The following FTO variants were observed in gnomAD, a reference collection of about 807,000 sequenced individuals.
FTO encodes the protein FTO alpha-ketoglutarate dependent dioxygenase, also known as alpha-ketoglutarate-dependent dioxygenase FTO.
FTO carries 47 observed loss-of-function variants against 63.9 expected under a neutral mutation model. The ratio of observed to expected loss-of-function variants is 0.74; its 90% CI spans 0.58 to 0.94. The LOEUF is 0.94. FTO is among the 40% of genes least tolerant of loss of function. The probability of loss-of-function intolerance (pLI) is 0.00; values close to 1 mark genes in which losing one functional copy is unlikely to be tolerated. For missense variants in FTO, 562 were observed against 618.1 expected, an observed-to-expected ratio of 0.91 and a Z score of 0.96; for synonymous variants, 207 against 224.4, an observed-to-expected ratio of 0.92 and a Z score of 0.69.
chr16:53,851,796 G>A (rs1374139826), intron 4 of FTO, among the ~76,000 whole-genome samples: 4 of 151,848 alleles, frequency 2.6e-5, no homozygotes, highest in Admixed American at 2.6e-4. Flanking sequence ...CATGCACAAG[G>A]AAATAAAAAT....
At chr16:54,067,499 C>T (rs1490180247) in intron 8 of FTO, among the ~76,000 whole-genome samples, 2 of 152,222 alleles carry the variant, frequency 1.3e-5, no homozygotes, top group Non-Finnish European at 2.9e-5. Flanking sequence ...TCCGCATGTG[C>T]TCCGCATCAG....
At position 53,759,726 on chromosome 16, in the gene FTO, A is replaced by G. The variant is rs551696719; in HGVS notation, c.46-50414A>G. Among the ~76,000 whole-genome samples, 8 of 151,414 alleles carry G rather than the reference A, an allele frequency of 5.3e-5. No homozygotes were observed. The East Asian group carries it at 1.5e-3, about 29-fold the overall frequency. On this transcript the variant is annotated intron_variant, in intron 1 of 8. Coordinates refer to ENST00000471389, the MANE Select transcript of FTO (RefSeq NM_001080432.3). Reference sequence around the variant, plus strand: ...AAAAAAAAAAAAAAAAGAAAAAAGAAATAATACAGGGTCATTTCCTTGACC... The same window carrying G: ...AAAAAAAAAAAAAAAAGAAAAAAGAGATAATACAGGGTCATTTCCTTGACC...
intron 2 of FTO, among the ~76,000 whole-genome samples, chr16:53,817,280 TGAACAGTGACTCCA>T (rs1567323251): frequency 1.3e-5 from 2 of 152,238 alleles, no homozygotes; most frequent in Non-Finnish European, 2.9e-5. Flanking sequence ...TGGCAGAGTC[TGAACAGTGACTCCA>T]GAAGTGTATC....
At chr16:53,722,861 A>G (rs151169906) in intron 1 of FTO, among the ~76,000 whole-genome samples, 171 of 152,170 alleles carry the variant, frequency 1.1e-3, no homozygotes, top group African/African-American at 3.9e-3. Context: ...GTAAAACCAT[A>G]TGACAGAATA....
chr16:53,878,671 C>T (rs2080737061), intron 5 of FTO, among the ~76,000 whole-genome samples: 1 of 152,158 alleles, frequency 6.6e-6, no homozygotes. Context: ...TTATAGCTGA[C>T]TTTTTATTAT....
chr16:53,719,404 A>G (rs1305708182), intron 1 of FTO, among the ~76,000 whole-genome samples: 2 of 151,616 alleles, frequency 1.3e-5, no homozygotes, highest in Non-Finnish European at 2.9e-5. Context: ...GCTATTGTCT[A>G]TTTAGTTTTC....
chr16:53,983,777 A>C (rs768180018), intron 8 of FTO, among the ~76,000 whole-genome samples: 1 of 152,216 alleles, frequency 6.6e-6, no homozygotes, highest in Non-Finnish European at 1.5e-5. Flanking sequence ...CTCTGCTCCC[A>C]GCCAGCTGCT....
At chr16:53,846,878 G>T (rs928421382) in intron 4 of FTO, among the ~76,000 whole-genome samples, 1 of 150,706 alleles carries the variant, frequency 6.6e-6, no homozygotes, top group African/African-American at 2.4e-5. Context: ...AACATCTTGT[G>T]TGTTCTTTTC....
chr16:54,074,166 A>G (rs1214938488), intron 8 of FTO, among the ~76,000 whole-genome samples: 1 of 152,178 alleles, frequency 6.6e-6, no homozygotes, highest in Non-Finnish European at 1.5e-5. Flanking sequence ...CTTCTCCAAA[A>G]AAAAAAGCAG....
intron 8 of FTO, among the ~76,000 whole-genome samples, chr16:54,079,537 G>A (rs2086088349): frequency 6.6e-6 from 1 of 152,200 alleles, no homozygotes; most frequent in Non-Finnish European, 1.5e-5. Flanking sequence ...GGAAACGCAT[G>A]AGACTATGGT....
intron 8 of FTO, among the ~76,000 whole-genome samples, chr16:53,954,349 T>C (rs572732361): frequency 2.0e-3 from 297 of 152,286 alleles, no homozygotes; most frequent in Non-Finnish European, 2.8e-3. Context: ...ACTTTTTTTT[T>C]CCCTAGACCT....
intron 8 of FTO, chr16:54,070,289 T>C (rs2085838059): frequency 6.6e-6 from 1 of 152,216 alleles, no homozygotes; most frequent in African/African-American, 2.4e-5. Context: ...TAGGACATCC[T>C]GATTTTATAT....
intron 8 of FTO, among the ~76,000 whole-genome samples, chr16:54,109,706 G>T (rs1363892520): frequency 6.6e-6 from 1 of 152,200 alleles, no homozygotes; most frequent in African/African-American, 2.4e-5. Flanking sequence ...AAAGCCATTG[G>T]GATTGGGAAG....
chr16:53,739,297 C>CT (rs1461434644), intron 1 of FTO, among the ~76,000 whole-genome samples: 1 of 152,036 alleles, frequency 6.6e-6, no homozygotes, highest in African/African-American at 2.4e-5. Flanking sequence ...GCTCTGCCTC[C>CT]TGGGTTCACA....
chr16:54,072,284 A>G (rs2085889428), intron 8 of FTO: 1 of 152,140 alleles, frequency 6.6e-6, no homozygotes, highest in African/African-American at 2.4e-5. Context: ...CCATTATCCT[A>G]TTGATTAACT....
intron 8 of FTO, among the ~76,000 whole-genome samples, chr16:53,986,994 A>T (rs1489657572): frequency 6.6e-6 from 1 of 152,214 alleles, no homozygotes; most frequent in Non-Finnish European, 1.5e-5. Context: ...ATGAAAATGT[A>T]ATTAGGTTAC....
intron 8 of FTO, among the ~76,000 whole-genome samples, chr16:54,082,560 C>T (rs1302657362): frequency 6.6e-6 from 1 of 152,198 alleles, no homozygotes; most frequent in African/African-American, 2.4e-5. Flanking sequence ...CTTATGTACT[C>T]TCATAGACCT....
chr16:53,901,075 C>T (rs2081392301), intron 7 of FTO, among the ~76,000 whole-genome samples: 1 of 152,178 alleles, frequency 6.6e-6, no homozygotes. Context: ...CTTGCACTTG[C>T]AAAGGTTTTA....
intron 8 of FTO, among the ~76,000 whole-genome samples, chr16:53,950,842 C>T (rs2082779687): frequency 6.6e-6 from 1 of 152,188 alleles, no homozygotes; most frequent in South Asian, 2.1e-4. Flanking sequence ...CTTCAGCCAC[C>T]AGAGTTCTCA....
Sources: gnomAD v4.1 joint callset for allele counts (sites outside exome capture counted in the v4.1 genomes callset) on GRCh38, gnomAD v4.1.1 for gene constraint, MANE v1.5 for transcripts, NCBI Gene and HGNC (gene_info 2026-07-23, HGNC 2026-07-21) for gene names.